PCDHA7: variants seen among roughly 807,000 people sequenced by gnomAD.
PCDHA7 encodes the protein protocadherin alpha 7, also known as protocadherin alpha-7.
A neutral mutation model predicts 57.2 loss-of-function variants in PCDHA7; 37 were observed. That is an observed-to-expected ratio of 0.65 (90% CI 0.50 to 0.85). The LOEUF (loss-of-function observed/expected upper bound fraction) is 0.85, where lower values mean the gene tolerates loss of function less well. Among genes scored for constraint, PCDHA7 ranks in the 40% least tolerant of loss-of-function variants. The pLI is 0.00. For missense variants in PCDHA7, 1,188 were observed against 1,241.8 expected, an observed-to-expected ratio of 0.96 and a Z score of 0.65; for synonymous variants, 553 against 558.8, an observed-to-expected ratio of 0.99 and a Z score of 0.15.
Position 141,001,288 on chromosome 5 carries a change from C to T in PCDHA7, c.2504-8339C>T, listed in dbSNP as rs147786395. 2.9e-3 allele frequency among the ~76,000 whole-genome samples: 438 copies of T among 152,218 alleles called. 7 individuals are homozygous for T. The East Asian group carries it at 0.044, about 15-fold the overall frequency. ...TATGAACTTTTTTTACGGATGAAAACTGAGGCCCAGAGATATGAAATAATT... is the reference window on the plus strand; with the variant it reads ...TATGAACTTTTTTTACGGATGAAAATTGAGGCCCAGAGATATGAAATAATT... On this transcript the variant is annotated intron_variant, in intron 3 of 3. Transcript: ENST00000525929.
At chr5:140,910,116 A>C (rs1205054200) in intron 1 of PCDHA7, among the ~76,000 whole-genome samples, 1 of 152,222 alleles carries the variant, frequency 6.6e-6, no homozygotes, top group Non-Finnish European at 1.5e-5. Flanking sequence ...AAGGGATTCT[A>C]GGTCTGTAAA....
chr5:140,929,549 T>G, intron 1 of PCDHA7: 1 of 500,966 alleles, frequency 2.0e-6, no homozygotes, highest in Non-Finnish European at 3.3e-6. Context: ...GGGCAAAAAT[T>G]AAAACCTATT....
At position 140,857,846 on chromosome 5, in the gene PCDHA7, T is replaced by C. The variant is rs782107328; in HGVS notation, c.2355+21108T>C. 6.3e-6 allele frequency: 10 copies of C among 1,597,716 alleles called. 1 individual carries two copies. Among genetic ancestry groups the C allele is most frequent in the Non-Finnish European group, 8.6e-6 (10 of 1,167,514 alleles). ...TAAGGTGCGCGCAGTGGACGCTGAC[T>C]CTGGATACAACGCGTGGCTGTCGTA... is the stretch of plus-strand genomic sequence containing the variant. On this transcript the variant is annotated intron_variant, in intron 1 of 3. Coordinates refer to ENST00000525929, the MANE Select transcript of PCDHA7 (RefSeq NM_018910.3).
At chr5:140,915,840 G>C (rs1554197129) in intron 1 of PCDHA7, among the ~76,000 whole-genome samples, 1 of 152,142 alleles carries the variant, frequency 6.6e-6, no homozygotes, top group African/African-American at 2.4e-5. Context: ...AGATCAGCAG[G>C]GGGTGACACC....
chr5:140,976,427 T>C (rs2096715861), intron 1 of PCDHA7, among the ~76,000 whole-genome samples: 1 of 152,064 alleles, frequency 6.6e-6, no homozygotes, highest in Admixed American at 6.5e-5. Flanking sequence ...GGCAGATGCC[T>C]GTAATCCCAG....
intron 1 of PCDHA7, among the ~76,000 whole-genome samples, chr5:140,910,005 G>T (rs1554194067): frequency 1.3e-5 from 2 of 152,212 alleles, no homozygotes; most frequent in African/African-American, 4.8e-5. Flanking sequence ...ATTGTTGTCA[G>T]TGTCATCCTT....
chr5:140,877,637 G>A (rs1554169943), intron 1 of PCDHA7: 1 of 1,613,520 alleles, frequency 6.2e-7, no homozygotes, highest in Non-Finnish European at 8.5e-7. Context: ...ACTGCGCTGC[G>A]TTGCTCAGCG....
At chr5:140,920,107 C>A (rs1480708499) in intron 1 of PCDHA7, among the ~76,000 whole-genome samples, 1 of 152,300 alleles carries the variant, frequency 6.6e-6, no homozygotes, top group Non-Finnish European at 1.5e-5. Flanking sequence ...GGGAGTGCAA[C>A]CTTGCCAACA....
At chr5:140,857,488 C>G (rs782255025) in intron 1 of PCDHA7, 2 of 1,598,442 alleles carry the variant, frequency 1.3e-6, no homozygotes, top group South Asian at 2.2e-5. Context: ...CTGCGTGGGA[C>G]GCGGACGCGC....
chr5:140,834,431 G>A lies in PCDHA7; in HGVS notation c.48G>A (p.Leu16=), dbSNP rs2150217688. ...ACCCAGGGGGCCGACATCTACTGCT[G>A]TTTATTATAATTCTAGCAGCTTGGG... The part of the protein sequence containing the change: ...GYDPGGRHLL[L]FIIILAAWEA... The change falls in exon 1 of 4, where the codon CTG becomes CTA. Residue 16 remains leucine, a synonymous_variant. Coordinates refer to ENST00000525929, the MANE Select transcript of PCDHA7 (RefSeq NM_018910.3). The A allele has an allele frequency of 9.3e-6, 15 of 1,611,328 alleles. No individual in the cohort carries two copies.
At chr5:140,862,563 C>G in intron 1 of PCDHA7, 1 of 476,978 alleles carries the variant, frequency 2.1e-6, no homozygotes, top group East Asian at 5.5e-5. Context: ...CAGTGAACCA[C>G]AATGCCCTGG....
At chr5:140,938,878 C>T (rs1324581693) in intron 1 of PCDHA7, among the ~76,000 whole-genome samples, 3 of 151,098 alleles carry the variant, frequency 2.0e-5, no homozygotes, top group Admixed American at 1.3e-4. Context: ...TAAGAAGCAA[C>T]ACACACACAC....
chr5:140,856,340 A>G (rs1554148561), intron 1 of PCDHA7: 1 of 1,598,438 alleles, frequency 6.3e-7, no homozygotes, highest in Non-Finnish European at 8.6e-7. Flanking sequence ...GTGCGGGCGG[A>G]GCGTGGAGTG....
intron 1 of PCDHA7, chr5:140,927,763 G>C (rs1554205034): frequency 6.2e-7 from 1 of 1,614,198 alleles, no homozygotes; most frequent in African/African-American, 1.3e-5. Context: ...CCCTAAAAGT[G>C]GGGAGGTGCA....
chr5:140,873,240 A>G (rs1008708021), intron 1 of PCDHA7, among the ~76,000 whole-genome samples: 10 of 152,226 alleles, frequency 6.6e-5, no homozygotes, highest in African/African-American at 2.4e-4. Context: ...ATAAAAATAT[A>G]AAATATTTCA....
intron 1 of PCDHA7, among the ~76,000 whole-genome samples, chr5:140,960,605 A>G (rs1405858302): frequency 6.6e-6 from 1 of 152,184 alleles, no homozygotes; most frequent in Non-Finnish European, 1.5e-5. Flanking sequence ...TACTTCAACA[A>G]TATCTAGTGT....
chr5:140,963,386 A>G (rs189164274), intron 1 of PCDHA7, among the ~76,000 whole-genome samples: 2 of 152,344 alleles, frequency 1.3e-5, no homozygotes, highest in Admixed American at 1.3e-4. Flanking sequence ...CTCTGTGCCA[A>G]GCTCCCTACT....
chr5:140,981,699 T>A (rs1162840326), intron 2 of PCDHA7, among the ~76,000 whole-genome samples: 1 of 151,316 alleles, frequency 6.6e-6, no homozygotes, highest in Non-Finnish European at 1.5e-5. Context: ...CATTCATTCA[T>A]TCATTCATTC....
intron 1 of PCDHA7, chr5:140,927,000 A>G (rs1554203899): frequency 1.2e-6 from 2 of 1,612,352 alleles, no homozygotes; most frequent in Non-Finnish European, 1.7e-6. Flanking sequence ...GCGTAGCCGT[A>G]GGCAATCTCT....
Sources: gnomAD v4.1 joint callset for allele counts (sites outside exome capture counted in the v4.1 genomes callset) on GRCh38, gnomAD v4.1.1 for gene constraint, MANE v1.5 for transcripts, NCBI Gene and HGNC (gene_info 2026-07-23, HGNC 2026-07-21) for gene names.